The following THSD4 variants were observed in gnomAD, a reference collection of about 807,000 sequenced individuals.
The protein encoded by THSD4 is thrombospondin type 1 domain containing 4.
A neutral mutation model predicts 119.0 loss-of-function variants in THSD4; 69 were observed. That is an observed-to-expected ratio of 0.58 (90% CI 0.48 to 0.71). THSD4 has a LOEUF of 0.71. Among genes scored for constraint, THSD4 ranks in the 30% least tolerant of loss-of-function variants. The probability of loss-of-function intolerance (pLI) is 0.00; values close to 1 mark genes in which losing one functional copy is unlikely to be tolerated. For missense variants in THSD4, 1,393 were observed against 1,391.1 expected (o/e 1.00, Z -0.02); for synonymous variants, 524 against 540.4 (o/e 0.97, Z 0.42).
chr15:71,388,031 C>T (rs1454564888), intron 6 of THSD4, among the ~76,000 whole-genome samples: 1 of 152,210 alleles, frequency 6.6e-6, no homozygotes, highest in Non-Finnish European at 1.5e-5. Flanking sequence ...CAGTTAACTG[C>T]TTTTGTGGTT....
chr15:71,277,131 T>C (rs1020292235), intron 6 of THSD4, among the ~76,000 whole-genome samples: 2 of 146,248 alleles, frequency 1.4e-5, no homozygotes, highest in South Asian at 2.1e-4. Context: ...TCTTCTTCTT[T>C]TTTTTTTTTT....
At chr15:71,243,543 G>T (rs1343732766) in intron 5 of THSD4, among the ~76,000 whole-genome samples, 3 of 152,176 alleles carry the variant, frequency 2.0e-5, no homozygotes, top group Admixed American at 2.0e-4. Context: ...CTTAGGGGAA[G>T]AGCTGGGACA....
intron 7 of THSD4, among the ~76,000 whole-genome samples, chr15:71,583,606 AT>A (rs2049601115): frequency 6.6e-6 from 1 of 151,638 alleles, no homozygotes; most frequent in Non-Finnish European, 1.5e-5. Context: ...TTGTGTTTCC[AT>A]TTTTGTTTGT....
chr15:71,724,267 A>G (rs1409757776), intron 8 of THSD4, among the ~76,000 whole-genome samples: 1 of 66,628 alleles, frequency 1.5e-5, no homozygotes, highest in African/African-American at 3.9e-5. Context: ...CTATGATGGG[A>G]TATATATATA....
chr15:71,755,054 C>T (rs919976389), intron 14 of THSD4, among the ~76,000 whole-genome samples: 1 of 152,226 alleles, frequency 6.6e-6, no homozygotes, highest in Non-Finnish European at 1.5e-5. Flanking sequence ...ATCTTCTCTT[C>T]TTCCTAGCAC....
At chr15:71,357,599 C>G (rs1163756726) in intron 6 of THSD4, among the ~76,000 whole-genome samples, 1 of 152,168 alleles carries the variant, frequency 6.6e-6, no homozygotes. Context: ...CCTCCTGGCT[C>G]TCCCGCCTGC....
chr15:71,404,820 G>A (rs1220203219), intron 6 of THSD4, among the ~76,000 whole-genome samples: 1 of 152,134 alleles, frequency 6.6e-6, no homozygotes, highest in Non-Finnish European at 1.5e-5. Context: ...CTGGAACTTA[G>A]AAATAAATTT....
intron 17 of THSD4, among the ~76,000 whole-genome samples, chr15:71,774,696 G>A (rs1426990159): frequency 6.6e-6 from 1 of 151,766 alleles, no homozygotes; most frequent in African/African-American, 2.4e-5. Flanking sequence ...AGGATCACTT[G>A]AGCCCAGGAA....
intron 7 of THSD4, among the ~76,000 whole-genome samples, chr15:71,421,321 TACTCC>T (rs1237816874): frequency 0.12 from 9,528 of 79,390 alleles, 1,118 homozygotes; most frequent in Admixed American, 0.14. Context: ...AGTCTCTTTC[TACTCC>T]CTTTAGTATT....
intron 7 of THSD4, among the ~76,000 whole-genome samples, chr15:71,514,839 TTCTC>T (rs767824373): frequency 5.9e-5 from 9 of 152,314 alleles, no homozygotes; most frequent in East Asian, 1.9e-4. Flanking sequence ...CAGTGAACAT[TTCTC>T]TCTATCAGAG....
At chr15:71,622,594 T>C (rs910003766) in intron 7 of THSD4, among the ~76,000 whole-genome samples, 3 of 152,218 alleles carry the variant, frequency 2.0e-5, no homozygotes. Flanking sequence ...TAACATGTTC[T>C]AAATACTTTT....
chr15:71,588,185 A>T (rs2049721166), intron 7 of THSD4, among the ~76,000 whole-genome samples: 1 of 151,318 alleles, frequency 6.6e-6, no homozygotes, highest in Non-Finnish European at 1.5e-5. Flanking sequence ...GGGCGCCTGT[A>T]GTCCCAGCTA....
At chr15:71,211,910 C>G (rs959604537) in intron 3 of THSD4, among the ~76,000 whole-genome samples, 2 of 152,174 alleles carry the variant, frequency 1.3e-5, no homozygotes, top group Non-Finnish European at 2.9e-5. Flanking sequence ...CTGCCTGTCA[C>G]TAACAGAGGT....
At chr15:71,277,221 G>T (rs1241507639) in intron 6 of THSD4, among the ~76,000 whole-genome samples, 5 of 147,854 alleles carry the variant, frequency 3.4e-5, no homozygotes, top group African/African-American at 1.3e-4. Flanking sequence ...TGCCTCCCGG[G>T]TTCAAGTGAT....
At chr15:71,757,635 A>G (rs570991576) in intron 14 of THSD4, among the ~76,000 whole-genome samples, 1 of 146,858 alleles carries the variant, frequency 6.8e-6, no homozygotes, top group Non-Finnish European at 1.5e-5. Flanking sequence ...TGGGAAGGAT[A>G]GTCTAACAAG....
intron 7 of THSD4, among the ~76,000 whole-genome samples, chr15:71,551,883 G>A (rs1481765373): frequency 1.3e-5 from 2 of 152,192 alleles, no homozygotes; most frequent in East Asian, 1.9e-4. Context: ...TAGAGGCGCA[G>A]CAAGCAAGCC....
intron 8 of THSD4, among the ~76,000 whole-genome samples, chr15:71,673,949 G>A (rs1469619195): frequency 6.6e-6 from 1 of 152,136 alleles, no homozygotes; most frequent in Non-Finnish European, 1.5e-5. Flanking sequence ...GACATCAAAA[G>A]CCTACCTGAT....
intron 7 of THSD4, among the ~76,000 whole-genome samples, chr15:71,490,976 C>T (rs1291221518): frequency 6.6e-6 from 1 of 152,180 alleles, no homozygotes; most frequent in Admixed American, 6.5e-5. Flanking sequence ...AAAGGGTTTC[C>T]AAACTCTGTT....
chr15:71,487,488 C>T (rs1381016396), intron 7 of THSD4, among the ~76,000 whole-genome samples: 1 of 152,172 alleles, frequency 6.6e-6, no homozygotes, highest in Non-Finnish European at 1.5e-5. Flanking sequence ...ATTTTATGAG[C>T]ATCTTGATAG....
Sources: allele counts gnomAD v4.1 joint callset (sites outside exome capture counted in the v4.1 genomes callset), GRCh38; gene constraint gnomAD v4.1.1; transcripts MANE v1.5; gene names NCBI Gene and HGNC (gene_info 2026-07-23, HGNC 2026-07-21).